CPA6: variants seen among roughly 807,000 people sequenced by gnomAD.
CPA6 encodes the protein carboxypeptidase B.
Under a neutral mutation model 63.3 loss-of-function variants are expected in CPA6, and 58 were observed. The observed-to-expected ratio is 0.92, with a 90% confidence interval of 0.74 to 1.14. The LOEUF (loss-of-function observed/expected upper bound fraction) is 1.14, where lower values mean the gene tolerates loss of function less well. Among genes scored for constraint, CPA6 ranks in the 50% most tolerant of loss-of-function variants. The pLI is 0.00. For synonymous variants in CPA6, 185 were observed against 179.0 expected (o/e 1.03, Z -0.27); for missense variants, 565 against 526.6 (o/e 1.07, Z -0.71).
At chr8:67,544,832 C>T (rs1400820894) in intron 2 of CPA6, among the ~76,000 whole-genome samples, 1 of 152,188 alleles carries the variant, frequency 6.6e-6, no homozygotes, top group Non-Finnish European at 1.5e-5. Context: ...GCGACTCCCC[C>T]TTCTTACCCA....
intron 8 of CPA6, among the ~76,000 whole-genome samples, chr8:67,456,945 G>T (rs1159016785): frequency 6.6e-6 from 1 of 152,156 alleles, no homozygotes; most frequent in East Asian, 1.9e-4. Flanking sequence ...GAGCTCTCAG[G>T]GCAAGGAATA....
At chr8:67,688,633 A>T (rs1803331569) in intron 1 of CPA6, among the ~76,000 whole-genome samples, 1 of 152,200 alleles carries the variant, frequency 6.6e-6, no homozygotes, top group Admixed American at 6.5e-5. Context: ...TCAACTTCAG[A>T]GAATGCCCCA....
chr8:67,561,121 C>A (rs974700043), intron 2 of CPA6, among the ~76,000 whole-genome samples: 2 of 151,998 alleles, frequency 1.3e-5, no homozygotes, highest in Non-Finnish European at 1.5e-5. Context: ...CTCTACCATA[C>A]CCCCCAAATT....
intron 1 of CPA6, among the ~76,000 whole-genome samples, chr8:67,709,423 T>C (rs1481963967): frequency 2.0e-5 from 3 of 152,246 alleles, no homozygotes; most frequent in African/African-American, 7.2e-5. Flanking sequence ...GTCCCTTGGA[T>C]GAATTATTTC....
intron 8 of CPA6, among the ~76,000 whole-genome samples, chr8:67,466,987 A>T (rs1262054200): frequency 6.6e-6 from 1 of 152,198 alleles, no homozygotes; most frequent in South Asian, 2.1e-4. Flanking sequence ...AATAATATAC[A>T]TTCTTTTATT....
chr8:67,464,008 A>G (rs371835331), intron 8 of CPA6, among the ~76,000 whole-genome samples: 20 of 152,268 alleles, frequency 1.3e-4, no homozygotes, highest in African/African-American at 4.6e-4. Context: ...GGGTAAAACC[A>G]TTTGTTTTCT....
intron 8 of CPA6, among the ~76,000 whole-genome samples, chr8:67,475,755 T>C (rs538504227): frequency 2.0e-4 from 29 of 144,488 alleles, no homozygotes; most frequent in Non-Finnish European, 2.6e-4. Context: ...TTCTTTCTTT[T>C]TTTCTTTCTT....
chr8:67,672,958 C>T (rs569032534), intron 1 of CPA6, among the ~76,000 whole-genome samples: 75 of 151,900 alleles, frequency 4.9e-4, no homozygotes, highest in Admixed American at 2.2e-3. Flanking sequence ...TCAAAACTTA[C>T]GGATGATAGA....
chr8:67,676,563 T>G (rs1816478821), intron 1 of CPA6, among the ~76,000 whole-genome samples: 2 of 152,236 alleles, frequency 1.3e-5, no homozygotes, highest in Non-Finnish European at 2.9e-5. Flanking sequence ...GCTTTCAACT[T>G]GGACACTCAG....
At chr8:67,627,398 G>C (rs1054206383) in intron 1 of CPA6, among the ~76,000 whole-genome samples, 4 of 152,150 alleles carry the variant, frequency 2.6e-5, no homozygotes. Flanking sequence ...TATCAGAGGA[G>C]GTGAGCTTAG....
chr8:67,592,728 A>G (rs1215016171), intron 2 of CPA6, among the ~76,000 whole-genome samples: 83 of 152,074 alleles, frequency 5.5e-4, no homozygotes, highest in African/African-American at 1.8e-3. Flanking sequence ...GGGATTGGTG[A>G]TGATATCCCC....
intron 1 of CPA6, among the ~76,000 whole-genome samples, chr8:67,633,477 C>G (rs957524298): frequency 2.0e-5 from 3 of 152,044 alleles, no homozygotes; most frequent in East Asian, 1.9e-4. Flanking sequence ...GTCAGGAGAT[C>G]GAGACCATCA....
rs77651275 is a variant in CPA6, at chr8:67,683,080, C to G, written c.117-58829G>C. On this transcript the variant is annotated intron_variant, in intron 1 of 10. Coordinates refer to ENST00000297770, the MANE Select transcript of CPA6 (RefSeq NM_020361.5). Reference sequence around the variant, plus strand: ...GTCTGGGTCCACCCGGGCTTCCCCCCGGTCTGCTGCTTCCTGGACAGTCCC... The same window carrying G: ...GTCTGGGTCCACCCGGGCTTCCCCCGGGTCTGCTGCTTCCTGGACAGTCCC... Among the ~76,000 whole-genome samples the G allele has an allele frequency of 0.011, 1,703 of 152,326 alleles. 95 individuals are homozygous for G. The East Asian group carries it at 0.18, about 16-fold the overall frequency.
intron 2 of CPA6, among the ~76,000 whole-genome samples, chr8:67,596,799 G>A (rs1258931705): frequency 6.6e-6 from 1 of 152,096 alleles, no homozygotes; most frequent in African/African-American, 2.4e-5. Context: ...AATTTAAACA[G>A]TGCCTTAGTC....
chr8:67,618,931 G>A (rs1281196023), intron 2 of CPA6, among the ~76,000 whole-genome samples: 1 of 152,118 alleles, frequency 6.6e-6, no homozygotes, highest in Non-Finnish European at 1.5e-5. Flanking sequence ...ATTGGTTGGT[G>A]CTTTCTCAAT....
intron 6 of CPA6, among the ~76,000 whole-genome samples, chr8:67,502,496 T>C (rs1441525982): frequency 2.0e-5 from 3 of 152,204 alleles, no homozygotes; most frequent in African/African-American, 7.2e-5. Flanking sequence ...TTATTTTTGC[T>C]CTTATTTCTA....
At chr8:67,630,625 T>C (rs1337870843) in intron 1 of CPA6, among the ~76,000 whole-genome samples, 1 of 152,208 alleles carries the variant, frequency 6.6e-6, no homozygotes, top group Non-Finnish European at 1.5e-5. Flanking sequence ...ACTCTGGCCA[T>C]GCTTGGGGAA....
At chr8:67,703,581 T>A (rs964036003) in intron 1 of CPA6, among the ~76,000 whole-genome samples, 6 of 152,240 alleles carry the variant, frequency 3.9e-5, no homozygotes, top group African/African-American at 1.4e-4. Context: ...CTGCATGACC[T>A]CCTTCTCTGC....
chr8:67,706,171 C>T (rs566422535), intron 1 of CPA6, among the ~76,000 whole-genome samples: 1 of 152,198 alleles, frequency 6.6e-6, no homozygotes, highest in Non-Finnish European at 1.5e-5. Context: ...CTAAATGCTT[C>T]ATAAACAACT....
Sources: allele counts gnomAD v4.1 joint callset (sites outside exome capture counted in the v4.1 genomes callset), GRCh38; gene constraint gnomAD v4.1.1; transcripts MANE v1.5; gene names NCBI Gene and HGNC (gene_info 2026-07-23, HGNC 2026-07-21).